The following HSD17B4 variants were observed in gnomAD, a reference collection of about 807,000 sequenced individuals.
HSD17B4 encodes hydroxysteroid 17-beta dehydrogenase 4, also known as peroxisomal multifunctional enzyme type 2.
In HSD17B4, 70 loss-of-function variants were observed where a neutral mutation model predicts 101.0. That is an observed-to-expected ratio of 0.69 (90% confidence interval 0.57 to 0.85). HSD17B4 has a LOEUF of 0.85. HSD17B4 is among the 40% of genes least tolerant of loss of function. The probability of loss-of-function intolerance (pLI) is 0.00; values close to 1 mark genes in which losing one functional copy is unlikely to be tolerated. For synonymous variants in HSD17B4, 347 were observed against 297.1 expected (o/e 1.17, Z -1.73); for missense variants, 984 against 892.4 (o/e 1.10, Z -1.31).
chr5:119,480,962 A>C (rs533567156), intron 8 of HSD17B4, among the ~76,000 whole-genome samples: 4 of 152,316 alleles, frequency 2.6e-5, no homozygotes, highest in South Asian at 2.1e-4. Context: ...GTTTAAGGTT[A>C]TCTCTCTTAT....
intron 17 of HSD17B4, among the ~76,000 whole-genome samples, chr5:119,524,591 T>C (rs960393128): frequency 6.6e-6 from 1 of 152,138 alleles, no homozygotes; most frequent in Non-Finnish European, 1.5e-5. Context: ...CCAGAAAGTA[T>C]GGTGACTTTT....
At chr5:119,491,747 A>T (rs965451097) in intron 9 of HSD17B4, among the ~76,000 whole-genome samples, 1 of 152,196 alleles carries the variant, frequency 6.6e-6, no homozygotes, top group East Asian at 1.9e-4. Flanking sequence ...TGGTAACCAC[A>T]TGAAATATGT....
chr5:119,487,217 T>TG (rs1196316998), intron 8 of HSD17B4: 1 of 151,316 alleles, frequency 6.6e-6, no homozygotes, highest in Non-Finnish European at 1.5e-5. Context: ...CCCTGTAGCA[T>TG]GTAGCACTAG....
chr5:119,525,670 A>G (rs1433812350), intron 18 of HSD17B4: 3 of 551,538 alleles, frequency 5.4e-6, no homozygotes, highest in Non-Finnish European at 9.6e-6. Flanking sequence ...AAACTAAACA[A>G]AACAATTGTG....
chr5:119,455,568 CTATATA>C (rs1554059875), intron 1 of HSD17B4, among the ~76,000 whole-genome samples: 8 of 136,474 alleles, frequency 5.9e-5, no homozygotes, highest in South Asian at 2.4e-4. Flanking sequence ...CTCTCTCTCT[CTATATA>C]TATATATATA....
chr5:119,531,140 G>C, intron 21 of HSD17B4, 126 bp from the exon 22 acceptor site: 1 of 842,380 alleles, frequency 1.2e-6, no homozygotes, highest in Non-Finnish European at 2.0e-6. Flanking sequence ...AAGACACATT[G>C]TATGAAGAAA....
intron 2 of HSD17B4, among the ~76,000 whole-genome samples, chr5:119,466,576 G>C (rs933960555): frequency 6.6e-6 from 1 of 151,992 alleles, no homozygotes; most frequent in Admixed American, 6.6e-5. Context: ...CCTCCAGTTT[G>C]TTGGCGTAGA....
chr5:119,509,381 G>T (rs1751960110), intron 16 of HSD17B4, 137 bp downstream of exon 16: 1 of 729,862 alleles, frequency 1.4e-6, no homozygotes, highest in African/African-American at 1.7e-5. Context: ...CCACCCCTGG[G>T]ACACCAAGAC....
chr5:119,537,979 T>A (rs1183913383), intron 23 of HSD17B4, among the ~76,000 whole-genome samples: 1 of 152,130 alleles, frequency 6.6e-6, no homozygotes, highest in Admixed American at 6.6e-5. Context: ...GAATGAGTCA[T>A]CAGACTAAGG....
At chr5:119,518,256 T>A (rs1369171513) in intron 17 of HSD17B4, among the ~76,000 whole-genome samples, 1 of 151,596 alleles carries the variant, frequency 6.6e-6, no homozygotes, top group African/African-American at 2.4e-5. Context: ...ACGTGCTGCC[T>A]TAAGAGCTGT....
chr5:119,534,294 C>T (rs1010487994), intron 22 of HSD17B4, among the ~76,000 whole-genome samples: 4 of 151,816 alleles, frequency 2.6e-5, no homozygotes, highest in East Asian at 1.9e-4. Flanking sequence ...TAAAATGAGC[C>T]GAGTTTTAAA....
rs1258320111 is a variant in HSD17B4, at chr5:119,497,622, CTA to C, written c.972+978_972+979del. ...CTAATGCCCATAAGGCTTTAAACCT[CTA>C]TGTTGAAAGTGAAGTGCCTATAATC... is the stretch of plus-strand genomic sequence containing the variant. On this transcript the variant is annotated intron_variant, in intron 12 of 23. Transcript: ENST00000510025. 2.0e-5 allele frequency among the ~76,000 whole-genome samples: 3 copies of C among 152,164 alleles called. No homozygotes were observed. In the East Asian group the frequency reaches 5.8e-4, roughly 29 times the overall value.
chr5:119,478,696 A>G (rs1748828572), intron 7 of HSD17B4, 138 bp from the exon 8 acceptor site: 5 of 624,582 alleles, frequency 8.0e-6, no homozygotes, highest in Non-Finnish European at 8.5e-6. Context: ...TTTTAGTTAC[A>G]TAAATCATGA....
intron 14 of HSD17B4, among the ~76,000 whole-genome samples, chr5:119,504,556 G>T (rs1182185864): frequency 6.6e-6 from 1 of 151,998 alleles, no homozygotes; most frequent in African/African-American, 2.4e-5. Flanking sequence ...TTTTTTTTAT[G>T]TTTGTTGGCC....
Position 119,458,203 on chromosome 5 carries a change from A to G in HSD17B4, c.112+1835A>G, listed in dbSNP as rs192428811. On this transcript the variant is annotated intron_variant, in intron 2 of 23. Transcript: ENST00000510025. ...GAAGAGCCAGATTTAGTTTAGTATT[A>G]AGGAGGAGAATTCAATCCATGTGGA... 2.1e-4 allele frequency among the ~76,000 whole-genome samples: 32 copies of G among 152,328 alleles called. 1 individual carries two copies. Among genetic ancestry groups the G allele is most frequent in the Admixed American group, 5.2e-4 (8 of 15,298 alleles).
chr5:119,531,571 G>A (rs1395321892), intron 22 of HSD17B4, among the ~76,000 whole-genome samples, 167 bp downstream of exon 22: 1 of 134,842 alleles, frequency 7.4e-6, no homozygotes, highest in Non-Finnish European at 1.5e-5. Context: ...AAAGGGGGGT[G>A]TGTGTGTGTG....
chr5:119,497,374 A>G (rs541162013), intron 12 of HSD17B4, among the ~76,000 whole-genome samples: 5 of 152,184 alleles, frequency 3.3e-5, no homozygotes, highest in African/African-American at 7.2e-5. Context: ...GGCTAAACTG[A>G]TATCTAGTCC....
At chr5:119,453,912 G>T (rs1754334199) in intron 1 of HSD17B4, among the ~76,000 whole-genome samples, 1 of 152,182 alleles carries the variant, frequency 6.6e-6, no homozygotes, top group Admixed American at 6.5e-5. Flanking sequence ...TAATTTTCAT[G>T]CAGGAGGTCC....
intron 6 of HSD17B4, among the ~76,000 whole-genome samples, chr5:119,476,205 C>T (rs1748566366): frequency 6.6e-6 from 1 of 151,968 alleles, no homozygotes; most frequent in Admixed American, 6.6e-5. Context: ...CGTGCTTATC[C>T]AGCTGTGTGA....
Sources: allele counts gnomAD v4.1 joint callset (sites outside exome capture counted in the v4.1 genomes callset), GRCh38; gene constraint gnomAD v4.1.1; transcripts MANE v1.5; gene names NCBI Gene and HGNC (gene_info 2026-07-23, HGNC 2026-07-21).